MYO18B: variants seen among roughly 807,000 people sequenced by gnomAD.
MYO18B encodes myosin XVIIIB.
A neutral mutation model predicts 273.0 loss-of-function variants in MYO18B; 204 were observed. That is an observed-to-expected ratio of 0.75 (90% CI 0.67 to 0.84). The LOEUF is 0.84. Among genes scored for constraint, MYO18B ranks in the 40% least tolerant of loss-of-function variants. The pLI, the probability that MYO18B is intolerant of heterozygous loss-of-function variation, is 0.00. For missense variants in MYO18B, 3,212 were observed against 3,287.6 expected (o/e 0.98, Z 0.56); for synonymous variants, 1,330 against 1,305.7 (o/e 1.02, Z -0.40).
chr22:25,814,500 T>C (rs572586984), intron 12 of MYO18B, among the ~76,000 whole-genome samples: 1 of 151,966 alleles, frequency 6.6e-6, no homozygotes, highest in Admixed American at 6.6e-5. Flanking sequence ...AACAATCTCA[T>C]GGAGTAGATG....
At chr22:25,955,578 G>T (rs76104740) in intron 39 of MYO18B, among the ~76,000 whole-genome samples, 1,553 of 152,274 alleles carry the variant, frequency 0.01, 28 homozygotes, top group African/African-American at 0.035. Flanking sequence ...GTGGACCAAT[G>T]ACATTCACTG....
At chr22:26,062,841 C>A in the MYO18B span, among the ~76,000 whole-genome samples, 82 of 152,276 alleles carry the variant, frequency 5.4e-4, no homozygotes, top group Middle Eastern at 3.4e-3. Context: ...TCAAGGTCCC[C>A]TGAAGAGAAA....
chr22:25,924,320 C>G (rs539866790), intron 34 of MYO18B, among the ~76,000 whole-genome samples: 1 of 152,340 alleles, frequency 6.6e-6, no homozygotes, highest in South Asian at 2.1e-4. Flanking sequence ...CTGGCTGCTA[C>G]TTAAGTGCTG....
intron 12 of MYO18B, among the ~76,000 whole-genome samples, chr22:25,807,597 C>T (rs565642068): frequency 3.3e-4 from 50 of 152,264 alleles, no homozygotes; most frequent in Non-Finnish European, 5.4e-4. Context: ...TCCCTGTGGG[C>T]TAGTTGGGCT....
chr22:26,046,003 C>A, the MYO18B span, among the ~76,000 whole-genome samples: 1 of 152,316 alleles, frequency 6.6e-6, no homozygotes, highest in Non-Finnish European at 1.5e-5. Context: ...GGAGGCTCTG[C>A]TACTGCTGAA....
chr22:25,910,921 A>G (rs765595146), intron 32 of MYO18B, 25 bp from the exon 33 acceptor site: 13 of 1,543,784 alleles, frequency 8.4e-6, no homozygotes, highest in Admixed American at 1.9e-5. Flanking sequence ...TTACCCTGTG[A>G]TGTTTCTTCC....
At position 26,004,848 on chromosome 22, in the gene MYO18B, A is replaced by G. The variant is rs757371095; in HGVS notation, c.6463A>G (p.Ser2155Gly). The G allele has an allele frequency of 6.2e-7, 1 of 1,613,628 alleles. No homozygotes were observed. Among genetic ancestry groups the G allele is most frequent in the African/African-American group, 1.3e-5 (1 of 75,066 alleles). Residue 2155 changes from serine to glycine, a missense_variant, in exon 42 of 44, where the codon AGC becomes GGC. Transcript: ENST00000335473. ...GTCAGCCACCAGCAGCCGCATCCTCAGCCCCAGGTAAGAGTATCTCCTTGC... is the reference window on the plus strand; with the variant it reads ...GTCAGCCACCAGCAGCCGCATCCTCGGCCCCAGGTAAGAGTATCTCCTTGC... Reference protein sequence around the residue: ...RQSATSSRILSPRINEEAGDT... With the variant: ...RQSATSSRILGPRINEEAGDT...
intron 43 of MYO18B, among the ~76,000 whole-genome samples, chr22:26,029,339 A>C (rs1229630693): frequency 6.6e-6 from 1 of 152,194 alleles, no homozygotes; most frequent in African/African-American, 2.4e-5. Flanking sequence ...TCTTTGAGAG[A>C]CAGCCTCAGC....
chr22:26,015,733 T>C (rs1315255790), intron 42 of MYO18B, among the ~76,000 whole-genome samples: 5 of 152,200 alleles, frequency 3.3e-5, no homozygotes, highest in African/African-American at 1.2e-4. Flanking sequence ...TGAAATAAAC[T>C]GTACAACAAA....
At chr22:25,789,213 G>A (rs1043024409) in intron 11 of MYO18B, among the ~76,000 whole-genome samples, 3 of 151,076 alleles carry the variant, frequency 2.0e-5, no homozygotes, top group Non-Finnish European at 2.9e-5. Context: ...AGCAAGACAC[G>A]CTACCTAGCC....
intron 33 of MYO18B, 105 bp downstream of exon 33, chr22:25,911,155 G>C (rs866581799): frequency 2.4e-6 from 2 of 837,060 alleles, no homozygotes; most frequent in African/African-American, 1.7e-5. Flanking sequence ...TCCTCCATCA[G>C]CTCTGTTCCC....
intron 31 of MYO18B, 132 bp downstream of exon 31, chr22:25,903,963 C>G (rs373328939): frequency 3.6e-5 from 34 of 946,042 alleles, no homozygotes; most frequent in Middle Eastern, 3.3e-4. Flanking sequence ...TCCCAGGGAA[C>G]CTTTAAGCTC....
chr22:25,804,243 A>C (rs5761218), intron 12 of MYO18B, among the ~76,000 whole-genome samples: 10,026 of 151,930 alleles, frequency 0.066, 574 homozygotes, highest in East Asian at 0.21. Context: ...CCCTTTTCAC[A>C]CAAAACCCAG....
At chr22:25,772,755 A>T (rs576207128) in intron 7 of MYO18B, among the ~76,000 whole-genome samples, 3 of 152,358 alleles carry the variant, frequency 2.0e-5, no homozygotes, top group Non-Finnish European at 4.4e-5. Context: ...AAGAGTAACG[A>T]AAGAAAATAC....
chr22:25,854,877 G>A (rs879785367), intron 21 of MYO18B, among the ~76,000 whole-genome samples: 1 of 152,252 alleles, frequency 6.6e-6, no homozygotes, highest in Admixed American at 6.5e-5. Context: ...ATTCCATTGT[G>A]GATGTATACC....
At chr22:25,873,559 G>C (rs1402660598) in intron 22 of MYO18B, among the ~76,000 whole-genome samples, 1 of 152,168 alleles carries the variant, frequency 6.6e-6, no homozygotes, top group African/African-American at 2.4e-5. Context: ...TCCTGCCTCA[G>C]CCTCCCGAGT....
At chr22:25,906,035 G>A (rs1438077493) in intron 31 of MYO18B, among the ~76,000 whole-genome samples, 2 of 152,176 alleles carry the variant, frequency 1.3e-5, no homozygotes, top group East Asian at 3.9e-4. Context: ...CATGGCCTCA[G>A]GGACCCAAAA....
chr22:26,011,826 C>T (rs1233589785), intron 42 of MYO18B, among the ~76,000 whole-genome samples: 1 of 152,318 alleles, frequency 6.6e-6, no homozygotes, highest in East Asian at 1.9e-4. Context: ...ACATAATCAT[C>T]GTGATTTTAA....
At chr22:25,784,367 G>T (rs2087290691) in intron 10 of MYO18B, among the ~76,000 whole-genome samples, 4 of 152,234 alleles carry the variant, frequency 2.6e-5, no homozygotes, top group Admixed American at 2.6e-4. Context: ...GTGAGTTTAT[G>T]TATAATATCT....
Sources: allele counts gnomAD v4.1 joint callset (sites outside exome capture counted in the v4.1 genomes callset), GRCh38; gene constraint gnomAD v4.1.1; transcripts MANE v1.5; gene names NCBI Gene and HGNC (gene_info 2026-07-23, HGNC 2026-07-21).